The following CTNNA2 variants were observed in gnomAD, a reference collection of about 807,000 sequenced individuals.
The protein encoded by CTNNA2 is catenin alpha 2.
CTNNA2 carries 42 observed loss-of-function variants against 101.0 expected under a neutral mutation model. The ratio of observed to expected loss-of-function variants is 0.42; its 90% CI spans 0.32 to 0.54. The LOEUF (loss-of-function observed/expected upper bound fraction) is 0.54. Ranked by LOEUF, CTNNA2 falls within the 20% of genes least tolerant of loss-of-function variation. CTNNA2 has a pLI of 0.14. For synonymous variants in CTNNA2, 450 were observed against 456.4 expected (o/e 0.99, Z 0.18); for missense variants, 871 against 1,223.1 (o/e 0.71, Z 4.29).
intron 7 of CTNNA2, among the ~76,000 whole-genome samples, chr2:80,315,628 A>G (rs1486459627): frequency 6.6e-6 from 1 of 152,174 alleles, no homozygotes; most frequent in African/African-American, 2.4e-5. Flanking sequence ...GTGCGCAAAC[A>G]CTTTTCAAGT....
At chr2:80,442,256 A>C (rs559222147) in intron 9 of CTNNA2, among the ~76,000 whole-genome samples, 1 of 152,248 alleles carries the variant, frequency 6.6e-6, no homozygotes, top group African/African-American at 2.4e-5. Context: ...TCATGAGTCT[A>C]TTCTCAAAGC....
At chr2:80,518,523 T>C (rs1035062973) in intron 9 of CTNNA2, among the ~76,000 whole-genome samples, 5 of 152,224 alleles carry the variant, frequency 3.3e-5, no homozygotes, top group Non-Finnish European at 7.3e-5. Context: ...GTTGAGTTTC[T>C]GCCTAAACCT....
intron 7 of CTNNA2, among the ~76,000 whole-genome samples, chr2:79,991,342 T>C (rs1692163477): frequency 6.6e-6 from 1 of 152,130 alleles, no homozygotes. Context: ...TTCTGTAGAT[T>C]TCAATACCAC....
chr2:79,423,185 C>A (rs900123972), intron 4 of CTNNA2, among the ~76,000 whole-genome samples: 1 of 152,140 alleles, frequency 6.6e-6, no homozygotes, highest in African/African-American at 2.4e-5. Flanking sequence ...TGAAAAAAAT[C>A]TAATTTACTC....
chr2:79,740,074 C>T (rs1303584762), intron 2 of CTNNA2, among the ~76,000 whole-genome samples: 3 of 152,058 alleles, frequency 2.0e-5, no homozygotes, highest in East Asian at 1.9e-4. Flanking sequence ...GGTAAACTTG[C>T]GTGAAGGGGG....
intron 4 of CTNNA2, among the ~76,000 whole-genome samples, chr2:79,448,640 A>G (rs1678857685): frequency 6.6e-6 from 1 of 152,010 alleles, no homozygotes; most frequent in Non-Finnish European, 1.5e-5. Context: ...GAGTGAACAG[A>G]GTAGGCTGAC....
At chr2:79,769,372 G>C (rs1673412249) in intron 3 of CTNNA2, among the ~76,000 whole-genome samples, 1 of 152,158 alleles carries the variant, frequency 6.6e-6, no homozygotes, top group Non-Finnish European at 1.5e-5. Flanking sequence ...GGAGACTGAA[G>C]TGTTAAAGCT....
chr2:80,115,258 C>A (rs1701446292), intron 7 of CTNNA2, among the ~76,000 whole-genome samples: 1 of 152,226 alleles, frequency 6.6e-6, no homozygotes, highest in Non-Finnish European at 1.5e-5. Context: ...AAGAATCATT[C>A]ATTCATTCAC....
At chr2:80,029,087 A>G (rs1023714414) in intron 7 of CTNNA2, among the ~76,000 whole-genome samples, 1 of 152,222 alleles carries the variant, frequency 6.6e-6, no homozygotes, top group Non-Finnish European at 1.5e-5. Context: ...TGTTAATGGA[A>G]AGGGCTTATC....
At chr2:80,211,097 T>C (rs1001705487) in intron 7 of CTNNA2, among the ~76,000 whole-genome samples, 10 of 152,352 alleles carry the variant, frequency 6.6e-5, no homozygotes, top group African/African-American at 1.9e-4. Flanking sequence ...TTGAAGTTCT[T>C]TGTAGATTCT....
intron 14 of CTNNA2, among the ~76,000 whole-genome samples, chr2:80,582,527 C>G (rs375421895): frequency 4.6e-5 from 7 of 152,150 alleles, no homozygotes; most frequent in African/African-American, 1.7e-4. Context: ...TGCATTTGGT[C>G]TAAAGAGCAT....
intron 3 of CTNNA2, among the ~76,000 whole-genome samples, chr2:79,854,564 A>G (rs1047855084): frequency 6.6e-6 from 1 of 152,250 alleles, no homozygotes; most frequent in African/African-American, 2.4e-5. Flanking sequence ...TCCATGAGTT[A>G]ATACATGTAA....
chr2:80,578,445 T>C lies in CTNNA2; in HGVS notation c.1894-3261T>C, dbSNP rs540567016. ...CCCATTTGCAGACCCTCTGTAATTT[T>C]CCATGTTTCCTTTAATTCATGGAGG... On this transcript the variant is annotated intron_variant, in intron 13 of 18. Coordinates refer to ENST00000402739, the MANE Select transcript of CTNNA2 (RefSeq NM_001282597.3). 6.6e-5 allele frequency among the ~76,000 whole-genome samples: 10 copies of C among 152,320 alleles called. No homozygotes were observed. The South Asian group carries it at 2.1e-3, about 32-fold the overall frequency.
At chr2:80,035,471 A>G (rs575564870) in intron 7 of CTNNA2, among the ~76,000 whole-genome samples, 1 of 152,226 alleles carries the variant, frequency 6.6e-6, no homozygotes, top group African/African-American at 2.4e-5. Flanking sequence ...TGCCTTCTCT[A>G]TATAAACTTA....
At chr2:80,050,904 G>A (rs13384537) in intron 7 of CTNNA2, among the ~76,000 whole-genome samples, 33,416 of 151,648 alleles carry the variant, frequency 0.22, 3,870 homozygotes, top group Non-Finnish European at 0.25. Flanking sequence ...TTTGTTTTTC[G>A]TAGCGATGGA....
At chr2:79,387,763 T>C (rs1444914695) in intron 4 of CTNNA2, among the ~76,000 whole-genome samples, 1 of 152,140 alleles carries the variant, frequency 6.6e-6, no homozygotes, top group Non-Finnish European at 1.5e-5. Flanking sequence ...AGGCAGGCAG[T>C]GGGCTCACTG....
At chr2:80,277,190 G>A (rs970187961) in intron 7 of CTNNA2, among the ~76,000 whole-genome samples, 2 of 152,030 alleles carry the variant, frequency 1.3e-5, no homozygotes, top group Admixed American at 1.3e-4. Flanking sequence ...GGAGGGGTGG[G>A]GGTGAAAAGC....
intron 7 of CTNNA2, among the ~76,000 whole-genome samples, chr2:79,941,184 C>T (rs1238600195): frequency 6.6e-6 from 1 of 152,208 alleles, no homozygotes; most frequent in Non-Finnish European, 1.5e-5. Flanking sequence ...AAATTGACAT[C>T]CTCAACTTTG....
intron 7 of CTNNA2, among the ~76,000 whole-genome samples, chr2:80,106,771 TC>T (rs34127542): frequency 6.6e-6 from 1 of 152,092 alleles, no homozygotes; most frequent in African/African-American, 2.4e-5. Flanking sequence ...GCTGAGGCTC[TC>T]CAGGAGGGAA....
Sources: gnomAD v4.1 joint callset for allele counts (sites outside exome capture counted in the v4.1 genomes callset) on GRCh38, gnomAD v4.1.1 for gene constraint, MANE v1.5 for transcripts, NCBI Gene and HGNC (gene_info 2026-07-23, HGNC 2026-07-21) for gene names.